GREM2: variants seen among roughly 807,000 people sequenced by gnomAD.
GREM2 encodes the protein gremlin-2.
GREM2 carries 11 observed loss-of-function variants against 14.2 expected under a neutral mutation model. The ratio of observed to expected loss-of-function variants is 0.78; its 90% CI spans 0.49 to 1.28. GREM2 has a LOEUF of 1.28. Among genes scored for constraint, GREM2 ranks in the 50% most tolerant of loss-of-function variants. The probability of loss-of-function intolerance (pLI) is 0.00; values close to 1 mark genes in which losing one functional copy is unlikely to be tolerated. For missense variants in GREM2, 210 were observed against 218.5 expected (o/e 0.96, Z 0.24); for synonymous variants, 98 against 97.6 (o/e 1.00, Z -0.02).
chr1:240,548,906 T>G (rs544649637), intron 1 of GREM2, among the ~76,000 whole-genome samples: 72 of 152,236 alleles, frequency 4.7e-4, no homozygotes, highest in African/African-American at 1.6e-3. Flanking sequence ...GAAACGGATT[T>G]TAGGAGAAGC....
intron 1 of GREM2, among the ~76,000 whole-genome samples, chr1:240,536,087 A>C (rs1678464282): frequency 6.6e-6 from 1 of 152,068 alleles, no homozygotes; most frequent in South Asian, 2.1e-4. Flanking sequence ...AGACAAGAGG[A>C]ACTGGAACCA....
chr1:240,595,970 T>C (rs976195892), intron 1 of GREM2, among the ~76,000 whole-genome samples: 2 of 152,188 alleles, frequency 1.3e-5, no homozygotes, highest in Non-Finnish European at 1.5e-5. Context: ...GTCACAGGAC[T>C]GTTGTTAAGG....
chr1:240,602,373 TA>T (rs1373168095), intron 1 of GREM2, among the ~76,000 whole-genome samples: 1 of 152,204 alleles, frequency 6.6e-6, no homozygotes, highest in Admixed American at 6.5e-5. Flanking sequence ...TTCCTTAATT[TA>T]TTTTTTTTTA....
At chr1:240,520,192 A>T (rs1337705689) in intron 1 of GREM2, among the ~76,000 whole-genome samples, 1 of 152,170 alleles carries the variant, frequency 6.6e-6, no homozygotes, top group African/African-American at 2.4e-5. Context: ...TCAGTATGCA[A>T]TTTTTGTGTG....
intron 1 of GREM2, among the ~76,000 whole-genome samples, chr1:240,505,086 T>G (rs1021336390): frequency 6.6e-6 from 1 of 152,028 alleles, no homozygotes; most frequent in African/African-American, 2.4e-5. Flanking sequence ...TGTCACAAGA[T>G]CTAGTTGTTT....
chr1:240,547,566 T>TAG (rs1678767501), intron 1 of GREM2, among the ~76,000 whole-genome samples: 1 of 149,042 alleles, frequency 6.7e-6, no homozygotes, highest in African/African-American at 2.5e-5. Context: ...GACAGATAGA[T>TAG]ATGAATGGAA....
At chr1:240,493,512 G>A (rs1326369220) in intron 1 of GREM2, 36 bp from the exon 2 acceptor site, 3 of 1,553,504 alleles carry the variant, frequency 1.9e-6, no homozygotes, top group South Asian at 2.4e-5. Context: ...GGCTGTGAAG[G>A]GCCGTAGAGT....
At chr1:240,505,009 A>T (rs565110955) in intron 1 of GREM2, among the ~76,000 whole-genome samples, 1 of 152,042 alleles carries the variant, frequency 6.6e-6, no homozygotes, top group Admixed American at 6.6e-5. Flanking sequence ...GTGGAAGGTG[A>T]TTGGATCATG....
chr1:240,511,308 T>C (rs1453413513), intron 1 of GREM2, among the ~76,000 whole-genome samples: 1 of 152,138 alleles, frequency 6.6e-6, no homozygotes, highest in African/African-American at 2.4e-5. Context: ...CAATAAAAAA[T>C]AATACAAATA....
chr1:240,573,396 G>A (rs575491570), intron 1 of GREM2, among the ~76,000 whole-genome samples: 1 of 152,016 alleles, frequency 6.6e-6, no homozygotes, highest in Admixed American at 6.6e-5. Context: ...CTCAGGCTTC[G>A]TATATAGAAC....
intron 1 of GREM2, among the ~76,000 whole-genome samples, chr1:240,497,625 T>C (rs1677458511): frequency 6.7e-6 from 1 of 150,170 alleles, no homozygotes; most frequent in East Asian, 2.0e-4. Context: ...AAAAAAAAAA[T>C]TGAAAGCAGA....
chr1:240,602,344 A>C (rs1157858318), intron 1 of GREM2, among the ~76,000 whole-genome samples: 1 of 152,190 alleles, frequency 6.6e-6, no homozygotes, highest in Non-Finnish European at 1.5e-5. Context: ...AGTCAGAAGT[A>C]TTCTTTCTTA....
intron 1 of GREM2, among the ~76,000 whole-genome samples, chr1:240,546,848 C>A (rs1364846733): frequency 6.6e-6 from 1 of 151,466 alleles, no homozygotes; most frequent in African/African-American, 2.4e-5. Context: ...AGAGGTAACT[C>A]GTTCTTCAAG....
At chr1:240,506,341 A>G (rs1677675741) in intron 1 of GREM2, among the ~76,000 whole-genome samples, 2 of 152,150 alleles carry the variant, frequency 1.3e-5, no homozygotes, top group Non-Finnish European at 2.9e-5. Flanking sequence ...TCTATTAGCT[A>G]ATGGGTCCAT....
intron 1 of GREM2, among the ~76,000 whole-genome samples, chr1:240,522,138 AAAAC>A (rs1383572016): frequency 7.3e-5 from 11 of 150,758 alleles, no homozygotes; most frequent in South Asian, 4.1e-4. Flanking sequence ...AAAAAAAACA[AAAAC>A]AAACAAACAA....
intron 1 of GREM2, among the ~76,000 whole-genome samples, chr1:240,528,643 C>T (rs1231246859): frequency 6.6e-6 from 1 of 152,128 alleles, no homozygotes; most frequent in African/African-American, 2.4e-5. Flanking sequence ...TCACTGTGCT[C>T]GGTGAGTGGC....
chr1:240,570,375 T>C (rs1679237613), intron 1 of GREM2, among the ~76,000 whole-genome samples: 2 of 152,078 alleles, frequency 1.3e-5, no homozygotes, highest in Non-Finnish European at 2.9e-5. Context: ...GGCAAGATAA[T>C]TGCTTGAACC....
intron 1 of GREM2, among the ~76,000 whole-genome samples, chr1:240,580,049 A>T (rs542336737): frequency 2.0e-4 from 30 of 151,972 alleles, no homozygotes; most frequent in African/African-American, 6.8e-4. Context: ...AGAAATTTAG[A>T]CTCCGCTTCT....
At chr1:240,527,419 C>T (rs753883007) in intron 1 of GREM2, among the ~76,000 whole-genome samples, 32 of 152,080 alleles carry the variant, frequency 2.1e-4, no homozygotes, top group Non-Finnish European at 3.1e-4. Context: ...GCTTTTGAAC[C>T]AACTTCTTAG....
Sources: gnomAD v4.1 joint callset for allele counts (sites outside exome capture counted in the v4.1 genomes callset) on GRCh38, gnomAD v4.1.1 for gene constraint, MANE v1.5 for transcripts, NCBI Gene and HGNC (gene_info 2026-07-23, HGNC 2026-07-21) for gene names.